Variants in FHIT observed in about 807,000 individuals in gnomAD.
FHIT encodes fragile histidine triad diadenosine triphosphatase, also known as bis(5'-adenosyl)-triphosphatase.
FHIT carries 19 observed loss-of-function variants against 17.9 expected under a neutral mutation model. That is an observed-to-expected ratio of 1.06 (90% confidence interval 0.74 to 1.56). FHIT has a LOEUF of 1.56. Among genes scored for constraint, FHIT ranks in the 40% most tolerant of loss-of-function variants. FHIT has a pLI of 0.00. For synonymous variants in FHIT, 81 were observed against 69.7 expected (o/e 1.16, Z -0.81); for missense variants, 248 against 189.2 (o/e 1.31, Z -1.82).
At chr3:60,266,252 G>C (rs915974511) in intron 5 of FHIT, among the ~76,000 whole-genome samples, 5 of 152,002 alleles carry the variant, frequency 3.3e-5, no homozygotes, top group Non-Finnish European at 4.4e-5. Flanking sequence ...ATTACAGCAT[G>C]ATGAACCATG....
At chr3:60,070,197 GGTGA>G (rs1702704667) in intron 5 of FHIT, among the ~76,000 whole-genome samples, 1 of 152,146 alleles carries the variant, frequency 6.6e-6, no homozygotes, top group African/African-American at 2.4e-5. Flanking sequence ...TCACCAGGTA[GGTGA>G]GTATCTGACA....
At chr3:60,480,760 CCTCT>C (rs1336877721) in intron 5 of FHIT, among the ~76,000 whole-genome samples, 1 of 152,338 alleles carries the variant, frequency 6.6e-6, no homozygotes. Context: ...GGCAGCTCTA[CCTCT>C]CTGACTCTGC....
At chr3:60,129,055 T>G (rs1490469438) in intron 5 of FHIT, among the ~76,000 whole-genome samples, 1 of 125,236 alleles carries the variant, frequency 8.0e-6, no homozygotes, top group African/African-American at 3.1e-5. Context: ...TTTTGTTTGT[T>G]TTTTTTTTTT....
At chr3:60,835,760 G>C (rs1702515254) in intron 3 of FHIT, among the ~76,000 whole-genome samples, 1 of 152,128 alleles carries the variant, frequency 6.6e-6, no homozygotes, top group South Asian at 2.1e-4. Flanking sequence ...TGGGATGACA[G>C]GCATACACCA....
At chr3:60,860,463 TA>T (rs1703673864) in intron 3 of FHIT, among the ~76,000 whole-genome samples, 1 of 131,650 alleles carries the variant, frequency 7.6e-6, no homozygotes. Flanking sequence ...CATATGTACA[TA>T]TATATGTATA....
intron 3 of FHIT, among the ~76,000 whole-genome samples, chr3:60,988,971 A>C (rs993745763): frequency 1.4e-5 from 2 of 146,644 alleles, no homozygotes; most frequent in South Asian, 2.2e-4. Context: ...AAAAAAAAAA[A>C]AAAACAAGAT....
chr3:61,214,477 T>C (rs1317331274), intron 1 of FHIT, among the ~76,000 whole-genome samples: 1 of 152,180 alleles, frequency 6.6e-6, no homozygotes, highest in Non-Finnish European at 1.5e-5. Context: ...GATCTCTGAA[T>C]AGACCAATGA....
chr3:61,040,926 A>G (rs901117493), intron 3 of FHIT, among the ~76,000 whole-genome samples: 13 of 152,266 alleles, frequency 8.5e-5, no homozygotes, highest in East Asian at 1.9e-4. Flanking sequence ...TAAATCAGCA[A>G]TATAGCAGAG....
chr3:60,412,509 C>A (rs1702099530), intron 5 of FHIT, among the ~76,000 whole-genome samples: 1 of 152,064 alleles, frequency 6.6e-6, no homozygotes, highest in South Asian at 2.1e-4. Flanking sequence ...CCTAGTCTCT[C>A]CCAAGATAAC....
chr3:60,328,787 T>C (rs1709825083), intron 5 of FHIT, among the ~76,000 whole-genome samples: 1 of 152,232 alleles, frequency 6.6e-6, no homozygotes. Context: ...TCTTGATTAA[T>C]GCTGTGGTCT....
intron 8 of FHIT, among the ~76,000 whole-genome samples, chr3:59,901,402 G>A (rs1173677955): frequency 6.6e-6 from 1 of 152,078 alleles, no homozygotes; most frequent in Non-Finnish European, 1.5e-5. Flanking sequence ...AGTTAAACAT[G>A]GAAAATTCCT....
At chr3:60,405,316 C>CT (rs909585290) in intron 5 of FHIT, among the ~76,000 whole-genome samples, 13 of 152,078 alleles carry the variant, frequency 8.5e-5, no homozygotes, top group Non-Finnish European at 1.6e-4. Flanking sequence ...TCACTTTAAC[C>CT]TTTTTTGCTT....
At chr3:60,035,308 C>G (rs1701168985) in intron 5 of FHIT, among the ~76,000 whole-genome samples, 1 of 152,252 alleles carries the variant, frequency 6.6e-6, no homozygotes, top group African/African-American at 2.4e-5. Context: ...ACAGTCTCTG[C>G]TCACTGCAAC....
chr3:60,428,720 G>A (rs994080124), intron 5 of FHIT, among the ~76,000 whole-genome samples: 1 of 152,104 alleles, frequency 6.6e-6, no homozygotes, highest in African/African-American at 2.4e-5. Flanking sequence ...AAGCAATGAT[G>A]CCCCAGCAGG....
At chr3:61,175,055 C>A (rs573849596) in intron 2 of FHIT, among the ~76,000 whole-genome samples, 1 of 151,586 alleles carries the variant, frequency 6.6e-6, no homozygotes, top group Non-Finnish European at 1.5e-5. Context: ...GAAACCCTCA[C>A]GAAAGGTTAA....
chr3:60,479,525 T>C (rs1280933769), intron 5 of FHIT, among the ~76,000 whole-genome samples: 1 of 152,216 alleles, frequency 6.6e-6, no homozygotes. Context: ...CTTATGTGTT[T>C]GCAGTGATGC....
intron 5 of FHIT, among the ~76,000 whole-genome samples, chr3:60,419,613 T>A (rs1702395679): frequency 6.6e-6 from 1 of 152,202 alleles, no homozygotes; most frequent in Admixed American, 6.5e-5. Context: ...TGGCTGACAT[T>A]TCCATTAGCA....
At chr3:60,066,850 G>A (rs1226209142) in intron 5 of FHIT, among the ~76,000 whole-genome samples, 1 of 151,592 alleles carries the variant, frequency 6.6e-6, no homozygotes, top group Non-Finnish European at 1.5e-5. Context: ...TAGAGACGGG[G>A]TTTCACCGTG....
At chr3:60,191,372 A>C (rs1305311603) in intron 5 of FHIT, among the ~76,000 whole-genome samples, 1 of 152,230 alleles carries the variant, frequency 6.6e-6, no homozygotes, top group Non-Finnish European at 1.5e-5. Context: ...CGTACTTAGA[A>C]AACGGCAGGT....
Sources: gnomAD v4.1 joint callset for allele counts (sites outside exome capture counted in the v4.1 genomes callset) on GRCh38, gnomAD v4.1.1 for gene constraint, MANE v1.5 for transcripts, NCBI Gene and HGNC (gene_info 2026-07-23, HGNC 2026-07-21) for gene names.